Variants in RUNX1 observed in about 807,000 individuals in gnomAD.
RUNX1 encodes runt-related transcription factor 1.
RUNX1 carries 19 observed loss-of-function variants against 42.8 expected under a neutral mutation model. That is an observed-to-expected ratio of 0.44 (90% CI 0.31 to 0.65). RUNX1 has a LOEUF of 0.65. RUNX1 is among the 30% of genes least tolerant of loss of function. The pLI, the probability that RUNX1 is intolerant of heterozygous loss-of-function variation, is 0.07. For missense variants in RUNX1, 528 were observed against 672.0 expected (o/e 0.79, Z 2.37); for synonymous variants, 271 against 289.4 (o/e 0.94, Z 0.64).
At chr21:34,909,233 G>A (rs543946448) in intron 2 of RUNX1, among the ~76,000 whole-genome samples, 16 of 152,162 alleles carry the variant, frequency 1.1e-4, no homozygotes, top group African/African-American at 3.6e-4. Flanking sequence ...CAGTACACCC[G>A]ACCCTAAGAT....
At chr21:34,829,042 T>C (rs2057028498) in intron 7 of RUNX1, among the ~76,000 whole-genome samples, 1 of 152,232 alleles carries the variant, frequency 6.6e-6, no homozygotes, top group South Asian at 2.1e-4. Flanking sequence ...AGTATAATTA[T>C]TACTCGTCTT....
chr21:34,900,745 T>A (rs533989868), intron 2 of RUNX1, among the ~76,000 whole-genome samples: 1 of 152,300 alleles, frequency 6.6e-6, no homozygotes, highest in South Asian at 2.1e-4. Context: ...TCGGAAACAA[T>A]ATTACAAAAG....
At chr21:34,956,460 T>C (rs2058644678) in intron 2 of RUNX1, among the ~76,000 whole-genome samples, 1 of 152,188 alleles carries the variant, frequency 6.6e-6, no homozygotes, top group Non-Finnish European at 1.5e-5. Context: ...TTCAAGCTCC[T>C]TGGGTCTTCG....
chr21:34,896,352 C>G (rs2058129946), intron 2 of RUNX1, among the ~76,000 whole-genome samples: 1 of 151,926 alleles, frequency 6.6e-6, no homozygotes, highest in South Asian at 2.1e-4. Flanking sequence ...GGAGATGGAG[C>G]TAGGAAAAGA....
intron 2 of RUNX1, among the ~76,000 whole-genome samples, chr21:34,906,026 C>A (rs932009605): frequency 2.0e-5 from 3 of 152,170 alleles, no homozygotes; most frequent in African/African-American, 7.2e-5. Context: ...TTGCTATGAA[C>A]AAAAGGGAAG....
At chr21:34,926,122 A>G (rs1020859732) in intron 2 of RUNX1, among the ~76,000 whole-genome samples, 2 of 152,176 alleles carry the variant, frequency 1.3e-5, no homozygotes, top group African/African-American at 4.8e-5. Flanking sequence ...TCTAATAAAA[A>G]AATTATGTAT....
intron 4 of RUNX1, among the ~76,000 whole-genome samples, chr21:34,883,473 T>C (rs1434574975): frequency 4.6e-5 from 7 of 152,200 alleles, no homozygotes; most frequent in Admixed American, 4.6e-4. Context: ...TGCGTGCTAA[T>C]TTGATACAGG....
intron 6 of RUNX1, among the ~76,000 whole-genome samples, chr21:34,858,585 T>C (rs1289071053): frequency 6.6e-6 from 1 of 152,186 alleles, no homozygotes; most frequent in African/African-American, 2.4e-5. Flanking sequence ...CCTCCCTGCA[T>C]CTTGGCTTTT....
At chr21:34,952,215 G>A (rs753344931) in intron 2 of RUNX1, among the ~76,000 whole-genome samples, 4 of 152,022 alleles carry the variant, frequency 2.6e-5, no homozygotes, top group Admixed American at 6.5e-5. Context: ...ATCATCCACC[G>A]GGGCCTGTCG....
At chr21:34,804,488 ACT>A (rs2056651805) in intron 7 of RUNX1, among the ~76,000 whole-genome samples, 1 of 152,146 alleles carries the variant, frequency 6.6e-6, no homozygotes, top group Non-Finnish European at 1.5e-5. Context: ...GAGAATAATA[ACT>A]CACGCTAAAG....
rs565061275 is a variant in RUNX1, at chr21:34,957,212, C to T, written c.59-64249G>A. On this transcript the variant is annotated intron_variant, in intron 2 of 8. Coordinates refer to ENST00000675419, the MANE Select transcript of RUNX1 (RefSeq NM_001754.5). ...GGGTGTGTTAGGTAATATTTGCCAACTGCTTTGAAGATGAAAAGCGTTATG... is the reference window on the plus strand; with the variant it reads ...GGGTGTGTTAGGTAATATTTGCCAATTGCTTTGAAGATGAAAAGCGTTATG... Among the ~76,000 whole-genome samples the T allele has an allele frequency of 3.3e-5, 5 of 152,320 alleles. No individual in the cohort carries two copies. The East Asian group carries it at 9.6e-4, about 29-fold the overall frequency.
intron 2 of RUNX1, among the ~76,000 whole-genome samples, chr21:35,011,315 T>C (rs1450749191): frequency 6.6e-6 from 1 of 152,142 alleles, no homozygotes; most frequent in African/African-American, 2.4e-5. Context: ...ACATGACAAT[T>C]GATCCAGGCA....
intron 2 of RUNX1, among the ~76,000 whole-genome samples, chr21:34,919,748 T>C (rs1261509105): frequency 1.3e-5 from 2 of 152,208 alleles, no homozygotes; most frequent in South Asian, 2.1e-4. Context: ...TGCTTGATAA[T>C]TGAGTATTAT....
intron 2 of RUNX1, among the ~76,000 whole-genome samples, chr21:35,000,947 C>A (rs1218655097): frequency 2.6e-5 from 4 of 152,146 alleles, no homozygotes; most frequent in Non-Finnish European, 5.9e-5. Context: ...CCTCGAATGT[C>A]TCTAGATCCA....
chr21:34,970,394 T>A (rs2834706), intron 2 of RUNX1, among the ~76,000 whole-genome samples: 1 of 152,050 alleles, frequency 6.6e-6, no homozygotes, highest in African/African-American at 2.4e-5. Flanking sequence ...TCAGTTCATA[T>A]GCTTTGCAGA....
At chr21:34,875,524 T>G (rs1014331460) in intron 5 of RUNX1, among the ~76,000 whole-genome samples, 2 of 151,996 alleles carry the variant, frequency 1.3e-5, no homozygotes, top group Non-Finnish European at 2.9e-5. Flanking sequence ...AATGGGAGAG[T>G]TGATTTTAAT....
chr21:34,883,708 ACT>A (rs2057939655), intron 4 of RUNX1, among the ~76,000 whole-genome samples: 2 of 151,930 alleles, frequency 1.3e-5, no homozygotes, highest in African/African-American at 4.8e-5. Context: ...CCAAATATCA[ACT>A]CTCTTCTATA....
At chr21:34,854,669 T>A (rs1042455411) in intron 6 of RUNX1, among the ~76,000 whole-genome samples, 1 of 151,890 alleles carries the variant, frequency 6.6e-6, no homozygotes, top group Non-Finnish European at 1.5e-5. Flanking sequence ...GTATCCCAGA[T>A]GTCACCTGAT....
intron 7 of RUNX1, among the ~76,000 whole-genome samples, chr21:34,831,239 T>C (rs1644489547): frequency 1.3e-5 from 2 of 151,946 alleles, no homozygotes; most frequent in Admixed American, 6.6e-5. Context: ...CATGACAAAA[T>C]GGCTTTACCA....
Sources: gnomAD v4.1 joint callset for allele counts (sites outside exome capture counted in the v4.1 genomes callset) on GRCh38, gnomAD v4.1.1 for gene constraint, MANE v1.5 for transcripts, NCBI Gene and HGNC (gene_info 2026-07-23, HGNC 2026-07-21) for gene names.